Variants in TXN2 observed in about 807,000 individuals in gnomAD.
The protein encoded by TXN2 is thioredoxin, mitochondrial.
Under a neutral mutation model 14.6 loss-of-function variants are expected in TXN2, and 12 were observed. That is an observed-to-expected ratio of 0.82 (90% confidence interval 0.53 to 1.33). The LOEUF (loss-of-function observed/expected upper bound fraction) is 1.33. Ranked by LOEUF, TXN2 falls within the 40% of genes most tolerant of loss-of-function variation. TXN2 has a pLI of 0.00. For missense variants in TXN2, 173 were observed against 207.7 expected, an observed-to-expected ratio of 0.83 and a Z score of 1.03; for synonymous variants, 89 against 81.0, an observed-to-expected ratio of 1.10 and a Z score of -0.53.
intron 3 of TXN2, among the ~76,000 whole-genome samples, chr22:36,468,985 T>C (rs1187421622): frequency 6.6e-6 from 1 of 151,698 alleles, no homozygotes; most frequent in African/African-American, 2.4e-5. Context: ...GAGGCTGGAG[T>C]CAGTGGAGAT....
At chr22:36,475,717 G>T (rs1375467086) in intron 3 of TXN2, among the ~76,000 whole-genome samples, 1 of 152,176 alleles carries the variant, frequency 6.6e-6, no homozygotes, top group Admixed American at 6.5e-5. Flanking sequence ...CGGAGGCAGA[G>T]ATTTTGTCAG....
intron 3 of TXN2, among the ~76,000 whole-genome samples, chr22:36,474,727 A>C (rs2145823899): frequency 6.6e-6 from 1 of 152,302 alleles, no homozygotes; most frequent in South Asian, 2.1e-4. Context: ...GGCTGCCAGG[A>C]GCGCCCTCGG....
chr22:36,479,239 C>A (rs188096600), intron 2 of TXN2, among the ~76,000 whole-genome samples: 42 of 152,260 alleles, frequency 2.8e-4, no homozygotes, highest in Admixed American at 2.6e-3. Context: ...ATCAAGTGGC[C>A]TGCCCAAGGC....
At chr22:36,477,781 G>A (rs768817599) in intron 2 of TXN2, among the ~76,000 whole-genome samples, 2 of 152,158 alleles carry the variant, frequency 1.3e-5, no homozygotes, top group African/African-American at 2.4e-5. Context: ...TACGAGTTAA[G>A]AAACCTGTGC....
intron 3 of TXN2, among the ~76,000 whole-genome samples, chr22:36,472,357 T>C (rs1933297451): frequency 1.3e-5 from 2 of 152,104 alleles, no homozygotes; most frequent in South Asian, 4.1e-4. Context: ...TGCTAGAATG[T>C]GGACACCGGC....
intron 1 of TXN2, 43 bp downstream of exon 1, chr22:36,481,521 T>C: frequency 1.0e-6 from 1 of 962,382 alleles, no homozygotes; most frequent in Non-Finnish European, 1.3e-6. Flanking sequence ...GCGGCATGCC[T>C]CAGCCGCGAC....
At chr22:36,479,795 T>C (rs1483855046) in intron 2 of TXN2, among the ~76,000 whole-genome samples, 2 of 151,770 alleles carry the variant, frequency 1.3e-5, no homozygotes, top group Non-Finnish European at 2.9e-5. Flanking sequence ...GGGACTTAAA[T>C]ATCTCTAAAG....
chr22:36,471,413 A>C (rs1030099743), intron 3 of TXN2, among the ~76,000 whole-genome samples: 7 of 151,842 alleles, frequency 4.6e-5, no homozygotes, highest in Non-Finnish European at 8.8e-5. Flanking sequence ...CTCCTGTCCC[A>C]CCCCGATGGC....
At chr22:36,478,059 C>T (rs1425547187) in intron 2 of TXN2, among the ~76,000 whole-genome samples, 1 of 149,734 alleles carries the variant, frequency 6.7e-6, no homozygotes, top group Non-Finnish European at 1.5e-5. Flanking sequence ...ATCACTTTAA[C>T]CTGGGAGGCA....
intron 3 of TXN2, among the ~76,000 whole-genome samples, chr22:36,469,404 C>T (rs1171171181): frequency 1.6e-5 from 2 of 126,844 alleles, no homozygotes; most frequent in Non-Finnish European, 3.9e-5. Flanking sequence ...TGACAGGGTC[C>T]AGAAACTCAG....
intron 2 of TXN2, among the ~76,000 whole-genome samples, chr22:36,478,842 T>A (rs1415740504): frequency 2.0e-5 from 3 of 152,032 alleles, no homozygotes; most frequent in Non-Finnish European, 4.4e-5. Context: ...TAGTCCCAAC[T>A]ACTTGGGAGG....
At chr22:36,472,902 A>ATCTGGGGCCTTCAGAATGAAAAAGTCAG (rs1568976869) in intron 3 of TXN2, among the ~76,000 whole-genome samples, 11 of 105,408 alleles carry the variant, frequency 1.0e-4, no homozygotes, top group Non-Finnish European at 1.4e-4. Flanking sequence ...CAGAAAGTCA[A>ATCTGGGGCCTTCAGAATGAAAAAGTCAG]TCTGGGGCCT....
At chr22:36,472,862 C>G (rs1933310784) in intron 3 of TXN2, among the ~76,000 whole-genome samples, 1 of 151,992 alleles carries the variant, frequency 6.6e-6, no homozygotes, top group South Asian at 2.1e-4. Flanking sequence ...AGTTCCTCCC[C>G]ACAGAAAGTC....
intron 2 of TXN2, among the ~76,000 whole-genome samples, chr22:36,478,101 C>T (rs955132539): frequency 7.8e-5 from 11 of 141,914 alleles, no homozygotes; most frequent in East Asian, 2.0e-4. Context: ...TGTGCCACTG[C>T]ACTCCAGCCT....
chr22:36,471,467 C>T (rs1448726136), intron 3 of TXN2, among the ~76,000 whole-genome samples: 1 of 152,194 alleles, frequency 6.6e-6, no homozygotes, highest in Non-Finnish European at 1.5e-5. Context: ...GGGAAAGGCA[C>T]AGTGCTGGGT....
At chr22:36,473,351 G>A (rs1194663598) in intron 3 of TXN2, among the ~76,000 whole-genome samples, 1 of 152,204 alleles carries the variant, frequency 6.6e-6, no homozygotes, top group Non-Finnish European at 1.5e-5. Context: ...GCTGAGGCAG[G>A]AGAATCGCTT....
At chr22:36,475,587 A>G (rs1933370192) in intron 3 of TXN2, among the ~76,000 whole-genome samples, 1 of 152,204 alleles carries the variant, frequency 6.6e-6, no homozygotes, top group South Asian at 2.1e-4. Context: ...GCTTTCGGCT[A>G]CGAGCCCAGC....
chr22:36,476,934 C>T, intron 2 of TXN2, 78 bp from the exon 3 acceptor site: 1 of 1,583,696 alleles, frequency 6.3e-7, no homozygotes, highest in Non-Finnish European at 8.6e-7. Context: ...AGACCTGCAT[C>T]TTTCCAAGGA....
Position 36,480,676 on chromosome 22 carries a change from G to C in TXN2, c.162C>G (p.Thr54=), listed in dbSNP as rs757680572. 2 of 1,614,140 alleles carry C rather than the reference G, an allele frequency of 1.2e-6. No homozygotes were observed. Among genetic ancestry groups the C allele is most frequent in the South Asian group, 2.2e-5 (2 of 91,076 alleles). The change falls in exon 2 of 4, where the codon ACC becomes ACG. Residue 54 remains threonine (T), a synonymous_variant. Transcript: ENST00000216185. ...VTPNPARTIY[T]TRISLTTFNI... is the part of the protein sequence containing the mutation. ...TAAAGGTTGTCAAGGAGATCCTCGT[G>C]GTGTATATTGTCCGGGCTGGGTTGG...
Sources: allele counts gnomAD v4.1 joint callset (sites outside exome capture counted in the v4.1 genomes callset), GRCh38; gene constraint gnomAD v4.1.1; transcripts MANE v1.5; gene names NCBI Gene and HGNC (gene_info 2026-07-23, HGNC 2026-07-21).